HIPK2: variants seen among roughly 807,000 people sequenced by gnomAD.
The protein encoded by HIPK2 is homeodomain-interacting protein kinase 2.
A neutral mutation model predicts 113.7 loss-of-function variants in HIPK2; 27 were observed. The observed-to-expected ratio is 0.24, with a 90% CI of 0.17 to 0.33. The LOEUF (loss-of-function observed/expected upper bound fraction) is 0.33. Among genes scored for constraint, HIPK2 ranks in the 10% least tolerant of loss-of-function variants. The pLI is 1.00. For missense variants in HIPK2, 1,257 were observed against 1,588.0 expected (o/e 0.79, Z 3.54); for synonymous variants, 631 against 642.2 (o/e 0.98, Z 0.26).
intron 1 of HIPK2, among the ~76,000 whole-genome samples, chr7:139,759,142 C>T (rs1453523741): frequency 6.6e-6 from 1 of 152,132 alleles, no homozygotes; most frequent in Non-Finnish European, 1.5e-5. Flanking sequence ...TCAAAACACA[C>T]TCCACATAAA....
chr7:139,603,765 G>C (rs1189652914), intron 10 of HIPK2, among the ~76,000 whole-genome samples: 1 of 152,128 alleles, frequency 6.6e-6, no homozygotes, highest in Non-Finnish European at 1.5e-5. Context: ...ATTTAATTCT[G>C]AGAAACTACC....
At chr7:139,584,124 T>C (rs1383471778) in intron 12 of HIPK2, 60 bp from the exon 13 acceptor site, 1 of 1,536,050 alleles carries the variant, frequency 6.5e-7, no homozygotes, top group Non-Finnish European at 8.8e-7. Context: ...GACACCCAAC[T>C]AGCACTTCAT....
intron 8 of HIPK2, 111 bp downstream of exon 8, chr7:139,614,175 T>C: frequency 1.9e-6 from 2 of 1,037,042 alleles, no homozygotes; most frequent in Non-Finnish European, 2.6e-6. Flanking sequence ...CTGGAAGAAA[T>C]GAGGAGGGCC....
chr7:139,640,412 G>A (rs987046097), intron 2 of HIPK2, among the ~76,000 whole-genome samples: 25 of 152,126 alleles, frequency 1.6e-4, no homozygotes, highest in African/African-American at 2.4e-5. Context: ...AAGTCAAGAG[G>A]GCGTGGCCCG....
At chr7:139,643,871 C>T (rs1801116917) in intron 2 of HIPK2, among the ~76,000 whole-genome samples, 1 of 152,232 alleles carries the variant, frequency 6.6e-6, no homozygotes, top group Non-Finnish European at 1.5e-5. Flanking sequence ...ACGTGCTGTG[C>T]CTGCTTTACC....
chr7:139,753,260 C>G (rs529665481), intron 1 of HIPK2, among the ~76,000 whole-genome samples: 1 of 152,300 alleles, frequency 6.6e-6, no homozygotes, highest in South Asian at 2.1e-4. Flanking sequence ...TGAGAGGCCT[C>G]TGCTTTAAGC....
Position 139,604,498 on chromosome 7 carries a change from A to G in HIPK2, c.2113-275T>C, listed in dbSNP as rs376845398. Among the ~76,000 whole-genome samples, 688 of 152,030 alleles carry G rather than the reference A, an allele frequency of 4.5e-3. 7 individuals carry two copies. Among genetic ancestry groups the G allele is most frequent in the African/African-American group, 0.016 (645 of 41,486 alleles). On this transcript the variant is annotated intron_variant, in intron 9 of 14. Coordinates refer to ENST00000406875, the MANE Select transcript of HIPK2 (RefSeq NM_022740.5). ...AGATCCAGACCATCCTGGCTAACAC[A>G]GTGAAACCCCATCTCTACTAAAAAT...
intron 9 of HIPK2, among the ~76,000 whole-genome samples, chr7:139,608,028 C>A (rs1799681616): frequency 6.6e-6 from 1 of 151,956 alleles, no homozygotes; most frequent in South Asian, 2.1e-4. Context: ...CACTTGATGC[C>A]AGGAGTTTGA....
intron 2 of HIPK2, among the ~76,000 whole-genome samples, chr7:139,643,999 G>T (rs1294882027): frequency 2.6e-5 from 4 of 152,288 alleles, no homozygotes; most frequent in South Asian, 4.1e-4. Flanking sequence ...AGACTACAGT[G>T]TCACCAGGCC....
Position 139,631,083 on chromosome 7 carries a change from A to G in HIPK2, c.1347+82T>C, listed in dbSNP as rs1295257368. On this transcript the variant is annotated intron_variant, in intron 4 of 14. Coordinates refer to ENST00000406875, the MANE Select transcript of HIPK2 (RefSeq NM_022740.5). The surrounding 1 kb of genome is among the most constrained non-coding windows in gnomAD (Gnocchi z 4.9). ...GTGCCCTCATTTTGCTGACTGAATCAAAAGCTCCCCACTAATGGGTCTACG... is the reference window on the plus strand; with the variant it reads ...GTGCCCTCATTTTGCTGACTGAATCGAAAGCTCCCCACTAATGGGTCTACG... The G allele has an allele frequency of 1.3e-6, 2 of 1,503,574 alleles. No homozygotes were observed. The highest frequency in any genetic ancestry group is 1.4e-5 in the African/African-American group (1 of 71,078). The allele number at this position is 1,503,574 out of a possible 1,614,324, so 93.1% of individuals were successfully genotyped here.
chr7:139,760,750 T>C (rs1439413446), intron 1 of HIPK2, among the ~76,000 whole-genome samples: 2 of 152,190 alleles, frequency 1.3e-5, no homozygotes, highest in African/African-American at 2.4e-5. Context: ...TTTAACAGTA[T>C]ATATTTTCCA....
At chr7:139,669,199 C>T (rs185773513) in intron 2 of HIPK2, among the ~76,000 whole-genome samples, 15 of 152,258 alleles carry the variant, frequency 9.9e-5, no homozygotes, top group South Asian at 2.1e-4. Context: ...CTCCCCAGCC[C>T]GAGACCACTA....
chr7:139,689,510 C>T (rs1426541091), intron 2 of HIPK2, among the ~76,000 whole-genome samples: 6 of 152,172 alleles, frequency 3.9e-5, no homozygotes, highest in Non-Finnish European at 7.4e-5. Flanking sequence ...TATGTATTAG[C>T]TAAATTGCAA....
intron 2 of HIPK2, among the ~76,000 whole-genome samples, chr7:139,691,016 C>T (rs1794389749): frequency 6.6e-6 from 1 of 152,196 alleles, no homozygotes; most frequent in Non-Finnish European, 1.5e-5. Flanking sequence ...GGCCGAGAGC[C>T]TTAAGCCTCC....
At chr7:139,771,855 A>G (rs1170491187) in intron 1 of HIPK2, among the ~76,000 whole-genome samples, 1 of 152,204 alleles carries the variant, frequency 6.6e-6, no homozygotes. Flanking sequence ...CTTTAAGTAT[A>G]TGAAAGGTTT....
At chr7:139,765,216 A>G (rs1796534085) in intron 1 of HIPK2, among the ~76,000 whole-genome samples, 1 of 152,140 alleles carries the variant, frequency 6.6e-6, no homozygotes, top group Non-Finnish European at 1.5e-5. Context: ...AAATCCCTTG[A>G]CCTAGTATAT....
At chr7:139,706,171 C>T (rs1397232395) in intron 2 of HIPK2, among the ~76,000 whole-genome samples, 1 of 152,214 alleles carries the variant, frequency 6.6e-6, no homozygotes, top group Non-Finnish European at 1.5e-5. Flanking sequence ...TGGCTGATTT[C>T]AGGGAACTGA....
intron 2 of HIPK2, among the ~76,000 whole-genome samples, chr7:139,646,344 T>A (rs908659772): frequency 3.3e-5 from 5 of 151,590 alleles, no homozygotes; most frequent in Non-Finnish European, 5.9e-5. Flanking sequence ...AAAAATTTTT[T>A]AAAAAATTAG....
intron 1 of HIPK2, among the ~76,000 whole-genome samples, chr7:139,770,827 T>C (rs990575480): frequency 3.3e-5 from 5 of 152,270 alleles, no homozygotes; most frequent in African/African-American, 1.2e-4. Context: ...GCAAGAATTG[T>C]TAAAACAGAC....
Sources: allele counts gnomAD v4.1 joint callset (sites outside exome capture counted in the v4.1 genomes callset), GRCh38; gene constraint gnomAD v4.1.1; non-coding constraint Gnocchi (gnomAD v3.1); transcripts MANE v1.5; gene names NCBI Gene and HGNC (gene_info 2026-07-23, HGNC 2026-07-21).